ZHX3: variants seen among roughly 807,000 people sequenced by gnomAD.
ZHX3 encodes the protein zinc fingers and homeoboxes 3.
Under a neutral mutation model 64.5 loss-of-function variants are expected in ZHX3, and 20 were observed. The observed-to-expected ratio is 0.31, with a 90% confidence interval of 0.22 to 0.45. The LOEUF (loss-of-function observed/expected upper bound fraction) is 0.45, where lower values mean the gene tolerates loss of function less well. ZHX3 is among the 20% of genes least tolerant of loss of function. The pLI, the probability that ZHX3 is intolerant of heterozygous loss-of-function variation, is 1.00. For missense variants in ZHX3, 1,041 were observed against 1,195.8 expected (o/e 0.87, Z 1.91); for synonymous variants, 423 against 461.6 (o/e 0.92, Z 1.07).
At chr20:41,255,720 T>C (rs113726541) in intron 2 of ZHX3, among the ~76,000 whole-genome samples, 9 of 152,338 alleles carry the variant, frequency 5.9e-5, no homozygotes, top group African/African-American at 1.9e-4. Flanking sequence ...AGTGAGTTAG[T>C]GCCACTCTAG....
rs1219455023 is a variant in ZHX3 at position 41,195,322 on chromosome 20, C to T, written c.2860+6735G>A. 6.6e-6 allele frequency among the ~76,000 whole-genome samples: 1 copy of T among 152,166 alleles called. No homozygotes were observed. The highest frequency in any genetic ancestry group is 2.4e-5 in the African/African-American group (1 of 41,426). Reference sequence around the variant, plus strand: ...GTAGAGACAGGATCCCACTTTGTTACCCAGGCAGGTCTCAAACTCCTGGCC... The same window carrying T: ...GTAGAGACAGGATCCCACTTTGTTATCCAGGCAGGTCTCAAACTCCTGGCC... On this transcript the variant is annotated intron_variant, in intron 3 of 3. Coordinates refer to ENST00000683867, the MANE Select transcript of ZHX3 (RefSeq NM_001384317.1). The surrounding 1 kb of genome is among the most constrained non-coding windows in gnomAD (Gnocchi z 4.2).
chr20:41,199,089 T>C (rs970014961), intron 3 of ZHX3, among the ~76,000 whole-genome samples: 1 of 152,200 alleles, frequency 6.6e-6, no homozygotes, highest in African/African-American at 2.4e-5. Context: ...TTATAATTTC[T>C]ATCTCTTTAT....
chr20:41,229,310 G>A (rs1162506726), intron 2 of ZHX3, among the ~76,000 whole-genome samples: 1 of 152,072 alleles, frequency 6.6e-6, no homozygotes, highest in Non-Finnish European at 1.5e-5. Context: ...ATCTATCAAT[G>A]AACACTTGGG....
At chr20:41,288,670 A>G (rs1241005807) in intron 1 of ZHX3, among the ~76,000 whole-genome samples, 1 of 152,214 alleles carries the variant, frequency 6.6e-6, no homozygotes. Flanking sequence ...AGTTTGCCAT[A>G]TATGTAACTA....
Position 41,201,241 on chromosome 20 carries a change from C to G in ZHX3, c.2860+816G>C. 2 of 1,255,200 alleles carry G rather than the reference C, an allele frequency of 1.6e-6. No homozygotes were observed. Among genetic ancestry groups the G allele is most frequent in the Non-Finnish European group, 2.1e-6 (2 of 960,356 alleles). 77.8% of individuals were successfully genotyped at this position (1,255,200 alleles called of 1,614,324 possible). A position where few individuals can be genotyped will look rare whatever the true frequency, so the allele number is the denominator to read the frequency against. The stretch of plus-strand genomic sequence containing the variant: ...TAGCAATGCTGCCATTTTGGAACCC[C>G]CAATCCCTTCAGCTTCTACAATACT... On this transcript the variant is annotated intron_variant, in intron 3 of 3. Coordinates refer to ENST00000683867, the MANE Select transcript of ZHX3 (RefSeq NM_001384317.1). The surrounding 1 kb of genome is among the most constrained non-coding windows in gnomAD (Gnocchi z 5.0).
At chr20:41,294,885 T>C (rs761005291) in intron 1 of ZHX3, among the ~76,000 whole-genome samples, 5 of 151,886 alleles carry the variant, frequency 3.3e-5, no homozygotes, top group Non-Finnish European at 7.4e-5. Flanking sequence ...TTGGTAGAGA[T>C]AGGTTTTCAA....
intron 2 of ZHX3, among the ~76,000 whole-genome samples, chr20:41,227,706 G>A (rs2040359078): frequency 6.6e-6 from 1 of 152,116 alleles, no homozygotes; most frequent in African/African-American, 2.4e-5. Flanking sequence ...TATGAATTTG[G>A]TAAAAGTTCT....
At chr20:41,309,708 G>A (rs2045075088) in intron 1 of ZHX3, among the ~76,000 whole-genome samples, 1 of 152,048 alleles carries the variant, frequency 6.6e-6, no homozygotes, top group Non-Finnish European at 1.5e-5. Flanking sequence ...TCTCATTGCT[G>A]GGATCTCCAA....
chr20:41,277,009 G>C (rs1171453324), intron 1 of ZHX3, among the ~76,000 whole-genome samples: 1 of 152,156 alleles, frequency 6.6e-6, no homozygotes, highest in African/African-American at 2.4e-5. Flanking sequence ...AATAAAATGT[G>C]GAGTTCTAGA....
rs1168627758 is a variant in ZHX3 at position 41,253,247 on chromosome 20, A to T, written c.-151+15743T>A. ...TGTCTTGGTTTTTGGGACTACAGTAAAAAAAAAAAAAAAAGTATGGACTTG... is the reference window on the plus strand; with the variant it reads ...TGTCTTGGTTTTTGGGACTACAGTATAAAAAAAAAAAAAAGTATGGACTTG... On this transcript the variant is annotated intron_variant, in intron 2 of 3. Transcript: ENST00000683867. Among the ~76,000 whole-genome samples the T allele has an allele frequency of 1.1e-4, 3 of 28,086 alleles. No homozygotes were observed. The African/African-American group carries it at 1.3e-3, about 12-fold the overall frequency. The allele number at this position is 28,086 out of a possible 152,430, so 18.4% of individuals were successfully genotyped here.
chr20:41,287,761 A>T (rs6513714), intron 1 of ZHX3, among the ~76,000 whole-genome samples: 60,366 of 152,000 alleles, frequency 0.4, 12,436 homozygotes, highest in East Asian at 0.75. Flanking sequence ...AACCTACAGC[A>T]TGACTGCAAT....
chr20:41,286,123 A>G (rs540795857), intron 1 of ZHX3, among the ~76,000 whole-genome samples: 28 of 152,306 alleles, frequency 1.8e-4, no homozygotes, highest in African/African-American at 6.7e-4. Flanking sequence ...ACTCATTCCC[A>G]TTACCCAAAA....
chr20:41,278,656 C>T lies in ZHX3; in HGVS notation c.-244-9573G>A, dbSNP rs1310553166. On this transcript the variant is annotated intron_variant, in intron 1 of 3. Coordinates refer to ENST00000683867, the MANE Select transcript of ZHX3 (RefSeq NM_001384317.1). ...TAATGCCAATATTTTCCTGAATATA[C>T]TTATTGTAGATATATGGAAAATACA... 1.4e-5 allele frequency among the ~76,000 whole-genome samples: 2 copies of T among 141,722 alleles called. 1 individual carries two copies. The highest frequency in any genetic ancestry group is 5.3e-5 in the African/African-American group (2 of 37,758). 93.0% of individuals were successfully genotyped at this position (141,722 alleles called of 152,430 possible). A position where few individuals can be genotyped will look rare whatever the true frequency, so the allele number is the denominator to read the frequency against.
At chr20:41,288,653 G>C (rs1191477743) in intron 1 of ZHX3, among the ~76,000 whole-genome samples, 1 of 152,038 alleles carries the variant, frequency 6.6e-6, no homozygotes, top group East Asian at 1.9e-4. Flanking sequence ...GACAAATAGG[G>C]CCCAAAAGTT....
chr20:41,214,180 A>C (rs1276647118), intron 2 of ZHX3, among the ~76,000 whole-genome samples: 7 of 152,252 alleles, frequency 4.6e-5, no homozygotes, highest in African/African-American at 1.7e-4. Flanking sequence ...TGGACCATTG[A>C]CTATAAGCAA....
At chr20:41,230,165 G>C (rs889842065) in intron 2 of ZHX3, among the ~76,000 whole-genome samples, 1 of 151,686 alleles carries the variant, frequency 6.6e-6, no homozygotes, top group Non-Finnish European at 1.5e-5. Context: ...ATAATATTTT[G>C]CATATATTGG....
rs1211812993 is a variant in ZHX3 at position 41,195,608 on chromosome 20, G to C, written c.2860+6449C>G. On this transcript the variant is annotated intron_variant, in intron 3 of 3. Transcript: ENST00000683867. The surrounding 1 kb of genome is among the most constrained non-coding windows in gnomAD (Gnocchi z 4.2). Reference sequence around the variant, plus strand: ...TTTTTGTATTTTTAGTAGAGACAGGGTTTCACTATGTTGGCCAGGCTGGTC... The same window carrying C: ...TTTTTGTATTTTTAGTAGAGACAGGCTTTCACTATGTTGGCCAGGCTGGTC... Among the ~76,000 whole-genome samples the C allele has an allele frequency of 6.6e-6, 1 of 152,034 alleles. No individual in the cohort carries two copies. The highest frequency in any genetic ancestry group is 6.6e-5 in the Admixed American group (1 of 15,260).
intron 1 of ZHX3, among the ~76,000 whole-genome samples, chr20:41,297,275 A>G (rs1436133874): frequency 2.0e-5 from 3 of 152,172 alleles, no homozygotes; most frequent in African/African-American, 7.2e-5. Flanking sequence ...TGTTCCCCCA[A>G]TAGGCCTGAG....
At chr20:41,272,312 G>A (rs896280474) in intron 1 of ZHX3, 1 of 152,168 alleles carries the variant, frequency 6.6e-6, no homozygotes, top group Non-Finnish European at 1.5e-5. Context: ...TGACAGCAAA[G>A]CCACAGTTAT....
Sources: allele counts gnomAD v4.1 joint callset (sites outside exome capture counted in the v4.1 genomes callset), GRCh38; gene constraint gnomAD v4.1.1; non-coding constraint Gnocchi (gnomAD v3.1); transcripts MANE v1.5; gene names NCBI Gene and HGNC (gene_info 2026-07-23, HGNC 2026-07-21).